The following PKHD1 variants were observed in gnomAD, a reference collection of about 807,000 sequenced individuals.
PKHD1 encodes PKHD1 ciliary IPT domain containing fibrocystin/polyductin.
In PKHD1, 291 loss-of-function variants were observed where a neutral mutation model predicts 412.0. The ratio of observed to expected loss-of-function variants is 0.71; its 90% CI spans 0.64 to 0.78. The LOEUF (loss-of-function observed/expected upper bound fraction) is 0.78, where lower values mean the gene tolerates loss of function less well. Ranked by LOEUF, PKHD1 falls within the 30% of genes least tolerant of loss-of-function variation. The probability of loss-of-function intolerance (pLI) is 0.00; values close to 1 mark genes in which losing one functional copy is unlikely to be tolerated. For synonymous variants in PKHD1, 1,777 were observed against 1,821.5 expected (o/e 0.98, Z 0.62); for missense variants, 4,825 against 4,950.7 (o/e 0.97, Z 0.76).
At chr6:51,858,501 AAC>A (rs2151704232) in intron 48 of PKHD1, among the ~76,000 whole-genome samples, 1 of 152,334 alleles carries the variant, frequency 6.6e-6, no homozygotes, top group East Asian at 1.9e-4. Context: ...CAGTAAATAA[AAC>A]ACACTAGAAA....
intron 11 of PKHD1, among the ~76,000 whole-genome samples, chr6:52,067,766 G>C (rs1364968308): frequency 1.3e-5 from 2 of 152,172 alleles, no homozygotes; most frequent in African/African-American, 2.4e-5. Context: ...TGGAGTATGA[G>C]AGACAGAGAT....
intron 36 of PKHD1, among the ~76,000 whole-genome samples, chr6:51,956,449 C>T (rs1791157750): frequency 6.6e-6 from 1 of 151,938 alleles, no homozygotes; most frequent in East Asian, 1.9e-4. Flanking sequence ...TTTACTTGTC[C>T]ATTCTTTCTA....
chr6:51,734,770 CCT>C (rs1205820484), intron 60 of PKHD1, among the ~76,000 whole-genome samples: 4 of 151,948 alleles, frequency 2.6e-5, no homozygotes, highest in Admixed American at 2.0e-4. Context: ...GATTTTGCCA[CCT>C]GACGAGTACT....
At chr6:51,741,201 G>C (rs1221075164) in intron 60 of PKHD1, 1 of 518,616 alleles carries the variant, frequency 1.9e-6, no homozygotes, top group Non-Finnish European at 3.8e-6. Flanking sequence ...CACCTAAAAT[G>C]AACACTCTTA....
intron 53 of PKHD1, among the ~76,000 whole-genome samples, chr6:51,785,787 T>A (rs1792756865): frequency 6.6e-6 from 1 of 152,226 alleles, no homozygotes; most frequent in South Asian, 2.1e-4. Context: ...CCACAAAATC[T>A]GTTTGGCCAG....
chr6:51,633,638 C>T (rs1421563186), intron 64 of PKHD1, among the ~76,000 whole-genome samples: 1 of 152,190 alleles, frequency 6.6e-6, no homozygotes, highest in Non-Finnish European at 1.5e-5. Context: ...GGAAGCCCAT[C>T]TCTGAATGGT....
intron 60 of PKHD1, among the ~76,000 whole-genome samples, chr6:51,675,516 T>C (rs1775696661): frequency 6.6e-6 from 1 of 152,192 alleles, no homozygotes; most frequent in South Asian, 2.1e-4. Flanking sequence ...AACACGTTTA[T>C]TCAGTTAGTA....
chr6:51,867,511 G>C (rs1019566144), intron 48 of PKHD1, among the ~76,000 whole-genome samples: 2 of 152,082 alleles, frequency 1.3e-5, no homozygotes, highest in African/African-American at 4.8e-5. Flanking sequence ...GTATATAAAT[G>C]AGAATGGACA....
At chr6:51,779,016 T>C (rs150166023) in intron 53 of PKHD1, among the ~76,000 whole-genome samples, 1 of 152,106 alleles carries the variant, frequency 6.6e-6, no homozygotes, top group African/African-American at 2.4e-5. Context: ...TCCCCTTTTG[T>C]GTGTAAAATC....
chr6:51,689,589 GA>G (rs1048832205), intron 60 of PKHD1, among the ~76,000 whole-genome samples: 1 of 152,164 alleles, frequency 6.6e-6, no homozygotes, highest in African/African-American at 2.4e-5. Context: ...CCTATGTCTT[GA>G]AAACCCCATA....
At chr6:51,907,717 A>C (rs1277106802) in intron 40 of PKHD1, among the ~76,000 whole-genome samples, 1 of 152,154 alleles carries the variant, frequency 6.6e-6, no homozygotes, top group Non-Finnish European at 1.5e-5. Flanking sequence ...GCTGGGAGTA[A>C]TTAGCTGCGT....
intron 41 of PKHD1, among the ~76,000 whole-genome samples, chr6:51,905,366 G>A (rs141841141): frequency 0.011 from 1,741 of 152,232 alleles, 25 homozygotes; most frequent in Non-Finnish European, 0.017. Context: ...GACCAGAAAT[G>A]TGGTATATAA....
At chr6:51,920,504 G>A (rs1373832783) in intron 37 of PKHD1, among the ~76,000 whole-genome samples, 1 of 152,112 alleles carries the variant, frequency 6.6e-6, no homozygotes, top group East Asian at 1.9e-4. Flanking sequence ...TAAGCTTTTT[G>A]ATGTGCTGCT....
At position 52,058,441 on chromosome 6, in the gene PKHD1, C is replaced by A. The variant is rs539359652; in HGVS notation, c.1394G>T (p.Arg465Met). ...EAEHHGIAPS[R>M]GMRIGVQIHN... ...AATCTGGACACCAATCCTCATCCCC[C>A]TGCTTGGGGCTATCCCATGATGCTC... The change falls in exon 16 of 67, where the codon AGG (arginine) becomes ATG (methionine). Residue 465 changes from arginine to methionine, a missense_variant. Arg to Met is a moderately conservative substitution (Grantham distance 91). Coordinates refer to ENST00000371117, the MANE Select transcript of PKHD1 (RefSeq NM_138694.4). 1 of 1,614,058 alleles carries A rather than the reference C, an allele frequency of 6.2e-7. No homozygotes were observed. The highest frequency in any genetic ancestry group is 1.3e-5 in the African/African-American group (1 of 74,924).
rs9370097 is a variant in PKHD1 at position 52,085,064 on chromosome 6, A to G, written c.-84-47T>C. 356,570 of 743,918 alleles carry G rather than the reference A, an allele frequency of 0.48. 89,456 individuals carry two copies. The highest frequency in any genetic ancestry group is 0.63 in the Admixed American group (34,203 of 54,600). 46.1% of individuals were successfully genotyped at this position (743,918 alleles called of 1,614,324 possible). ...AAAAAAAAATTATCATTTTGTTTACATACGATTATTTTGCTGTTCTGAAAC... is the reference window on the plus strand; with the variant it reads ...AAAAAAAAATTATCATTTTGTTTACGTACGATTATTTTGCTGTTCTGAAAC... On this transcript the variant is annotated intron_variant, in intron 1 of 66. Coordinates refer to ENST00000371117, the MANE Select transcript of PKHD1 (RefSeq NM_138694.4).
At chr6:51,963,367 G>C (rs969027881) in intron 35 of PKHD1, among the ~76,000 whole-genome samples, 1 of 152,038 alleles carries the variant, frequency 6.6e-6, no homozygotes, top group Non-Finnish European at 1.5e-5. Context: ...AAGTTTCCTT[G>C]TGCCCTGAAT....
chr6:51,898,998 A>G (rs2127599824), intron 43 of PKHD1, among the ~76,000 whole-genome samples: 1 of 152,348 alleles, frequency 6.6e-6, no homozygotes, highest in South Asian at 2.1e-4. Context: ...GACCAATAAC[A>G]GGATCTGAAA....
At chr6:52,027,465 G>C (rs1284311466) in intron 31 of PKHD1, among the ~76,000 whole-genome samples, 2 of 138,090 alleles carry the variant, frequency 1.4e-5, no homozygotes, top group East Asian at 4.4e-4. Context: ...CCGGGAGGCA[G>C]ACATTGCAGT....
intron 60 of PKHD1, among the ~76,000 whole-genome samples, chr6:51,720,138 C>T (rs1056055170): frequency 6.6e-6 from 1 of 152,074 alleles, no homozygotes; most frequent in Non-Finnish European, 1.5e-5. Context: ...GAAATATTTT[C>T]AAAATTTCAG....
Sources: allele counts gnomAD v4.1 joint callset (sites outside exome capture counted in the v4.1 genomes callset), GRCh38; gene constraint gnomAD v4.1.1; transcripts MANE v1.5; gene names NCBI Gene and HGNC (gene_info 2026-07-23, HGNC 2026-07-21).